The following SORCS2 variants were observed in gnomAD, a reference collection of about 807,000 sequenced individuals.
The protein encoded by SORCS2 is sortilin related VPS10 domain containing receptor 2.
In SORCS2, 100 loss-of-function variants were observed where a neutral mutation model predicts 141.6. The ratio of observed to expected loss-of-function variants is 0.71; its 90% confidence interval spans 0.60 to 0.83. SORCS2 has a LOEUF of 0.83. Among genes scored for constraint, SORCS2 ranks in the 40% least tolerant of loss-of-function variants. SORCS2 has a pLI of 0.00. For missense variants in SORCS2, 1,646 were observed against 1,560.2 expected (o/e 1.05, Z -0.93); for synonymous variants, 789 against 676.9 (o/e 1.17, Z -2.57).
At chr4:7,739,907 C>G (rs1047685729) in intron 26 of SORCS2, among the ~76,000 whole-genome samples, 5 of 152,198 alleles carry the variant, frequency 3.3e-5, no homozygotes, top group Non-Finnish European at 7.4e-5. Context: ...GCTGCCGATG[C>G]CGGGGGCGAT....
intron 2 of SORCS2, among the ~76,000 whole-genome samples, chr4:7,517,585 G>A (rs1018131477): frequency 6.6e-5 from 10 of 152,158 alleles, no homozygotes; most frequent in South Asian, 2.1e-4. Flanking sequence ...ACTGGCATAC[G>A]AAAATGTTAT....
At chr4:7,353,105 AG>A (rs1187990246) in intron 1 of SORCS2, among the ~76,000 whole-genome samples, 1 of 152,032 alleles carries the variant, frequency 6.6e-6, no homozygotes, top group Non-Finnish European at 1.5e-5. Flanking sequence ...TCTCACTGGG[AG>A]GGGGTAGAGG....
At chr4:7,617,718 A>C (rs1718863702) in intron 3 of SORCS2, among the ~76,000 whole-genome samples, 1 of 152,198 alleles carries the variant, frequency 6.6e-6, no homozygotes, top group South Asian at 2.1e-4. Context: ...AGCAACTTTT[A>C]GTTCAAGTTC....
At chr4:7,640,812 G>A (rs114985174) in intron 4 of SORCS2, among the ~76,000 whole-genome samples, 3,771 of 152,204 alleles carry the variant, frequency 0.025, 51 homozygotes, top group Non-Finnish European at 0.037. Flanking sequence ...GCTCTGGGTA[G>A]AGCAACTGAG....
chr4:7,467,677 C>T (rs1002210344), intron 2 of SORCS2, among the ~76,000 whole-genome samples: 1 of 152,204 alleles, frequency 6.6e-6, no homozygotes, highest in Admixed American at 6.5e-5. Context: ...CAGCCCTAGG[C>T]TCCAGTCCCA....
At chr4:7,314,829 T>TTTTTTTTTTTTTTG (rs1560185676) in intron 1 of SORCS2, among the ~76,000 whole-genome samples, 3 of 116,516 alleles carry the variant, frequency 2.6e-5, no homozygotes, top group African/African-American at 1.1e-4. Context: ...TTTTTTTTTT[T>TTTTTTTTTTTTTTG]ATTGTTGTTG....
chr4:7,603,460 A>G (rs1717869825), intron 3 of SORCS2, among the ~76,000 whole-genome samples: 1 of 152,128 alleles, frequency 6.6e-6, no homozygotes, highest in East Asian at 1.9e-4. Flanking sequence ...ATCACTCAAG[A>G]ATTCTCCCTG....
At chr4:7,319,794 G>C (rs918903855) in intron 1 of SORCS2, among the ~76,000 whole-genome samples, 3 of 152,234 alleles carry the variant, frequency 2.0e-5, no homozygotes, top group African/African-American at 7.2e-5. Flanking sequence ...GCTGTCACTG[G>C]TGGTTCTGTG....
intron 1 of SORCS2, among the ~76,000 whole-genome samples, chr4:7,235,905 G>T (rs368119954): frequency 6.6e-6 from 1 of 152,202 alleles, no homozygotes; most frequent in African/African-American, 2.4e-5. Context: ...GTGAGCACCC[G>T]TGAAACTCTA....
chr4:7,287,580 G>A (rs976666498), intron 1 of SORCS2, among the ~76,000 whole-genome samples: 1 of 152,256 alleles, frequency 6.6e-6, no homozygotes, highest in Non-Finnish European at 1.5e-5. Flanking sequence ...TGGGGAAGGG[G>A]CTTTGTGCCG....
intron 1 of SORCS2, among the ~76,000 whole-genome samples, chr4:7,361,478 G>C (rs1721574740): frequency 1.3e-5 from 2 of 152,212 alleles, no homozygotes; most frequent in Admixed American, 6.5e-5. Flanking sequence ...GTGCAGCCGG[G>C]AGAGAGAGGA....
chr4:7,456,259 G>A (rs919852665), intron 2 of SORCS2, among the ~76,000 whole-genome samples: 1 of 152,136 alleles, frequency 6.6e-6, no homozygotes, highest in Non-Finnish European at 1.5e-5. Context: ...CATTTCAGGT[G>A]GACACAATTC....
At chr4:7,402,856 G>A (rs13139233) in intron 2 of SORCS2, among the ~76,000 whole-genome samples, 4 of 151,236 alleles carry the variant, frequency 2.6e-5, no homozygotes, top group Admixed American at 6.6e-5. Context: ...TTTGGGTCTC[G>A]TCCTCTGTGA....
At chr4:7,455,573 A>T (rs1453085555) in intron 2 of SORCS2, among the ~76,000 whole-genome samples, 1 of 134,002 alleles carries the variant, frequency 7.5e-6, no homozygotes, top group Admixed American at 7.7e-5. Flanking sequence ...TGTTGGGGTC[A>T]GGAGCTGTGT....
Position 7,740,376 on chromosome 4 carries a change from T to G in SORCS2, c.*112T>G. 1 of 977,666 alleles carries G rather than the reference T, an allele frequency of 1.0e-6. No individual in the cohort carries two copies. The highest frequency in any genetic ancestry group is 1.6e-6 in the Non-Finnish European group (1 of 642,928). The allele number at this position is 977,666 out of a possible 1,614,324, so 60.6% of individuals were successfully genotyped here. A position where few individuals can be genotyped will look rare whatever the true frequency, so the allele number is the denominator to read the frequency against. Reference sequence around the variant, plus strand: ...TGCGGAAAGCCCCCTCCCTGAGTCGTCGCCACACCAGGCGACAGGCACCAC... The same window carrying G: ...TGCGGAAAGCCCCCTCCCTGAGTCGGCGCCACACCAGGCGACAGGCACCAC... On this transcript the variant is annotated 3_prime_UTR_variant, in exon 27 of 27. Transcript: ENST00000507866.
intron 1 of SORCS2, among the ~76,000 whole-genome samples, chr4:7,333,943 C>G (rs571871842): frequency 1.3e-5 from 2 of 152,254 alleles, no homozygotes; most frequent in South Asian, 4.1e-4. Flanking sequence ...CCCGCTTCTC[C>G]CATCTCTGCC....
intron 6 of SORCS2, among the ~76,000 whole-genome samples, chr4:7,662,729 C>A (rs1722255470): frequency 6.6e-6 from 1 of 152,248 alleles, no homozygotes; most frequent in African/African-American, 2.4e-5. Flanking sequence ...CTGTCCACAG[C>A]TCTTTTCAAC....
chr4:7,704,396 G>A, intron 14 of SORCS2, 112 bp downstream of exon 14: 1 of 950,842 alleles, frequency 1.1e-6, no homozygotes, highest in Non-Finnish European at 1.6e-6. Context: ...AGGGACATCT[G>A]CCACCTGCCC....
chr4:7,451,718 A>T (rs1050024590), intron 2 of SORCS2, among the ~76,000 whole-genome samples: 26 of 152,364 alleles, frequency 1.7e-4, no homozygotes, highest in Non-Finnish European at 2.8e-4. Flanking sequence ...GGGGGGCTAT[A>T]GAAGTGTTCA....
Sources: gnomAD v4.1 joint callset for allele counts (sites outside exome capture counted in the v4.1 genomes callset) on GRCh38, gnomAD v4.1.1 for gene constraint, MANE v1.5 for transcripts, NCBI Gene and HGNC (gene_info 2026-07-23, HGNC 2026-07-21) for gene names.